The following OLA1 variants were observed in gnomAD, a reference collection of about 807,000 sequenced individuals.
OLA1 encodes Obg like ATPase 1.
OLA1 carries 14 observed loss-of-function variants against 48.4 expected under a neutral mutation model. The observed-to-expected ratio is 0.29, with a 90% confidence interval of 0.19 to 0.45. OLA1 has a LOEUF of 0.45. Among genes scored for constraint, OLA1 ranks in the 20% least tolerant of loss-of-function variants. The pLI is 1.00. For synonymous variants in OLA1, 127 were observed against 150.4 expected, an observed-to-expected ratio of 0.84 and a Z score of 1.14; for missense variants, 325 against 467.1, an observed-to-expected ratio of 0.70 and a Z score of 2.80.
chr2:174,199,098 T>C (rs1043747461), intron 4 of OLA1, among the ~76,000 whole-genome samples: 1 of 152,196 alleles, frequency 6.6e-6, no homozygotes, highest in African/African-American at 2.4e-5. Context: ...GAAGTATGCA[T>C]AAAATGTTTC....
intron 4 of OLA1, among the ~76,000 whole-genome samples, chr2:174,144,930 TAAAAAAAAAAAAAAAAA>T: frequency 2.4e-5 from 1 of 41,116 alleles, no homozygotes; most frequent in South Asian, 1.9e-3. Flanking sequence ...AGACCCTGTT[TAAAAAAAAAAAAAAAAA>T]AAAAATATAT....
chr2:174,156,345 A>C (rs1031550085), intron 4 of OLA1, among the ~76,000 whole-genome samples: 2 of 152,154 alleles, frequency 1.3e-5, no homozygotes, highest in Admixed American at 6.5e-5. Flanking sequence ...ATCTCCAGAC[A>C]TTGCCAACCT....
At chr2:174,240,137 T>G (rs1242265392) in intron 2 of OLA1, 1 of 152,182 alleles carries the variant, frequency 6.6e-6, no homozygotes, top group Non-Finnish European at 1.5e-5. Context: ...GAAATTTTTT[T>G]TCCATATGGG....
rs574868725 is a variant in OLA1 at position 174,074,767 on chromosome 2, C to T, written c.*659G>A. On this transcript the variant is annotated 3_prime_UTR_variant, in exon 11 of 11. Coordinates refer to ENST00000284719, the MANE Select transcript of OLA1 (RefSeq NM_013341.5). ...ATATCCCTCATAATATCATTGCTAT[C>T]ATCTTTCAATAAATGTTGATCTATA... is the stretch of plus-strand genomic sequence containing the variant. The T allele has an allele frequency of 6.6e-6, 1 of 152,650 alleles. No individual in the cohort carries two copies. The highest frequency in any genetic ancestry group is 1.5e-5 in the Non-Finnish European group (1 of 68,040). The allele number at this position is 152,650 out of a possible 1,614,324, so 9.5% of individuals were successfully genotyped here. A position where few individuals can be genotyped will look rare whatever the true frequency, so the allele number is the denominator to read the frequency against.
At chr2:174,177,222 G>A (rs964804402) in intron 4 of OLA1, among the ~76,000 whole-genome samples, 4 of 152,084 alleles carry the variant, frequency 2.6e-5, no homozygotes, top group Non-Finnish European at 5.9e-5. Flanking sequence ...CATTCCCAAT[G>A]GTTCTTTTCA....
chr2:174,133,328 C>T (rs1686225316), intron 5 of OLA1, among the ~76,000 whole-genome samples: 1 of 152,050 alleles, frequency 6.6e-6, no homozygotes, highest in African/African-American at 2.4e-5. Context: ...GATGGGTTTA[C>T]TGGGTTATTA....
intron 4 of OLA1, among the ~76,000 whole-genome samples, chr2:174,169,175 G>A (rs1033088966): frequency 3.3e-5 from 5 of 152,088 alleles, no homozygotes; most frequent in Non-Finnish European, 7.4e-5. Context: ...TCGAACTCCT[G>A]ACCTCATGAT....
chr2:174,213,516 T>C (rs1235061485), intron 4 of OLA1, among the ~76,000 whole-genome samples: 2 of 152,010 alleles, frequency 1.3e-5, no homozygotes, highest in Non-Finnish European at 2.9e-5. Flanking sequence ...GCTAAGGATT[T>C]GGTGAAATCA....
chr2:174,247,823 T>A (rs1301375454), intron 1 of OLA1: 1 of 1,541,634 alleles, frequency 6.5e-7, no homozygotes, highest in African/African-American at 1.4e-5. Flanking sequence ...AAGTCGAAAC[T>A]TTCTCTGTCC....
intron 3 of OLA1, among the ~76,000 whole-genome samples, chr2:174,223,765 C>CAAAAAAAAAAAAAAA (rs71021680): frequency 6.8e-5 from 5 of 73,326 alleles, no homozygotes; most frequent in Admixed American, 1.6e-4. Flanking sequence ...GTTATATAGA[C>CAAAAAAAAAAAAAAA]AAAAAAAAAA....
intron 8 of OLA1, 140 bp from the exon 9 acceptor site, chr2:174,081,388 AG>A: frequency 1.6e-6 from 1 of 615,594 alleles, no homozygotes; most frequent in Non-Finnish European, 2.8e-6. Context: ...ATACACTGGA[AG>A]GGTTCAGAAA....
At chr2:174,178,076 C>T (rs1005052012) in intron 4 of OLA1, among the ~76,000 whole-genome samples, 1 of 151,940 alleles carries the variant, frequency 6.6e-6, no homozygotes, top group African/African-American at 2.4e-5. Context: ...AAAAGCTGTA[C>T]ATTTCAAATT....
intron 8 of OLA1, 57 bp from the exon 9 acceptor site, chr2:174,081,305 G>T: frequency 7.9e-7 from 1 of 1,270,960 alleles, no homozygotes; most frequent in Non-Finnish European, 1.1e-6. Context: ...CCAGAAATTG[G>T]TATAGAGCTA....
rs369674825 is a variant in OLA1 at position 174,193,576 on chromosome 2, A to C, written c.373+29457T>G. Among the ~76,000 whole-genome samples, 7 of 152,196 alleles carry C rather than the reference A, an allele frequency of 4.6e-5. No individual in the cohort carries two copies. The East Asian group carries it at 1.3e-3, about 29-fold the overall frequency. ...TTTTCTTCTCCTAGGCCTTTACTGAAGGGTTAGAGTTTATCTAGTTAGGCA... is the reference window on the plus strand; with the variant it reads ...TTTTCTTCTCCTAGGCCTTTACTGACGGGTTAGAGTTTATCTAGTTAGGCA... On this transcript the variant is annotated intron_variant, in intron 4 of 10. Transcript: ENST00000284719.
At chr2:174,203,190 A>C (rs2105434044) in intron 4 of OLA1, among the ~76,000 whole-genome samples, 1 of 152,346 alleles carries the variant, frequency 6.6e-6, no homozygotes, top group South Asian at 2.1e-4. Context: ...AAAATAGGCC[A>C]GTCTCCTAAG....
At chr2:174,132,600 A>G (rs1686210511) in intron 5 of OLA1, among the ~76,000 whole-genome samples, 1 of 152,290 alleles carries the variant, frequency 6.6e-6, no homozygotes, top group Non-Finnish European at 1.5e-5. Flanking sequence ...GAAACATGAC[A>G]TCTTTTAGAA....
chr2:174,075,554 G>A (rs776926757), intron 10 of OLA1, 27 bp from the exon 11 acceptor site: 2 of 1,406,712 alleles, frequency 1.4e-6, no homozygotes, highest in East Asian at 4.6e-5. Context: ...TAGAGGAAAT[G>A]GGTTATTAGT....
At chr2:174,189,109 T>C (rs1044132476) in intron 4 of OLA1, among the ~76,000 whole-genome samples, 2 of 152,158 alleles carry the variant, frequency 1.3e-5, no homozygotes, top group Non-Finnish European at 2.9e-5. Context: ...TATAGACTTT[T>C]TAATACACAT....
chr2:174,185,531 A>T (rs1398545080), intron 4 of OLA1, among the ~76,000 whole-genome samples: 1 of 152,136 alleles, frequency 6.6e-6, no homozygotes, highest in Non-Finnish European at 1.5e-5. Context: ...TTTATATTCA[A>T]CCTATATATT....
Sources: allele counts gnomAD v4.1 joint callset (sites outside exome capture counted in the v4.1 genomes callset), GRCh38; gene constraint gnomAD v4.1.1; transcripts MANE v1.5; gene names NCBI Gene and HGNC (gene_info 2026-07-23, HGNC 2026-07-21).